Variants in AK7 observed in about 807,000 individuals in gnomAD.
AK7 encodes the protein adenylate kinase 7.
In AK7, 78 loss-of-function variants were observed where a neutral mutation model predicts 96.6. That is an observed-to-expected ratio of 0.81 (90% CI 0.67 to 0.97). AK7 has a LOEUF of 0.97. Ranked by LOEUF, AK7 falls within the 50% of genes least tolerant of loss-of-function variation. The probability of loss-of-function intolerance (pLI) is 0.00; values close to 1 mark genes in which losing one functional copy is unlikely to be tolerated. For missense variants in AK7, 855 were observed against 887.9 expected, an observed-to-expected ratio of 0.96 and a Z score of 0.47; for synonymous variants, 302 against 317.2, an observed-to-expected ratio of 0.95 and a Z score of 0.51.
intron 15 of AK7, among the ~76,000 whole-genome samples, chr14:96,481,554 C>G (rs747982615): frequency 4.6e-5 from 7 of 151,944 alleles, no homozygotes; most frequent in Non-Finnish European, 8.8e-5. Context: ...CCACGTTGGC[C>G]AGGCTGGTCT....
At chr14:96,451,270 T>C (rs1261638994) in intron 9 of AK7, 151 bp from the exon 10 acceptor site, 9 of 575,680 alleles carry the variant, frequency 1.6e-5, no homozygotes, top group Non-Finnish European at 2.4e-5. Flanking sequence ...ATCACACAGA[T>C]ACTCTGTAAA....
At chr14:96,437,018 A>C (rs962706913) in intron 5 of AK7, among the ~76,000 whole-genome samples, 1 of 131,908 alleles carries the variant, frequency 7.6e-6, no homozygotes, top group Non-Finnish European at 1.5e-5. Context: ...TGGTATTTTG[A>C]GCTTATCTGG....
At chr14:96,398,610 G>A (rs570470745) in intron 2 of AK7, 13 of 280,440 alleles carry the variant, frequency 4.6e-5, no homozygotes, top group African/African-American at 2.0e-4. Context: ...GGCCAGGCGC[G>A]GTGGCTTACG....
chr14:96,463,344 C>G (rs576021623), intron 12 of AK7, among the ~76,000 whole-genome samples: 1 of 152,098 alleles, frequency 6.6e-6, no homozygotes, highest in Non-Finnish European at 1.5e-5. Flanking sequence ...CATGGCTTGA[C>G]CACTTGCTTA....
chr14:96,398,471 A>G lies in AK7; in HGVS notation c.294+208A>G, dbSNP rs554503753. On this transcript the variant is annotated intron_variant, in intron 2 of 17. Coordinates refer to ENST00000267584, the MANE Select transcript of AK7 (RefSeq NM_152327.5). ...GGCCAAAGCAAAGAGTTTAAATTAGATAGTGTTGGAAAGGATGGATCTAAG... is the reference window on the plus strand; with the variant it reads ...GGCCAAAGCAAAGAGTTTAAATTAGGTAGTGTTGGAAAGGATGGATCTAAG... 3.2e-5 allele frequency: 19 copies of G among 593,042 alleles called. No homozygotes were observed. The East Asian group carries it at 5.5e-4, about 17-fold the overall frequency. The allele number at this position is 593,042 out of a possible 1,614,324, so 36.7% of individuals were successfully genotyped here.
intron 6 of AK7, among the ~76,000 whole-genome samples, chr14:96,439,360 A>G (rs1892825231): frequency 1.3e-5 from 2 of 152,066 alleles, no homozygotes; most frequent in South Asian, 4.2e-4. Flanking sequence ...GAAATAAGAG[A>G]AAAGTAAATA....
At chr14:96,470,543 C>T (rs1894826329) in intron 12 of AK7, among the ~76,000 whole-genome samples, 1 of 152,088 alleles carries the variant, frequency 6.6e-6, no homozygotes, top group Admixed American at 6.6e-5. Context: ...CAAACTCCTC[C>T]CTCCTCATCC....
chr14:96,458,287 CTG>C (rs1894050841), intron 12 of AK7, 75 bp downstream of exon 12: 2 of 1,539,238 alleles, frequency 1.3e-6, no homozygotes, highest in Non-Finnish European at 8.8e-7. Flanking sequence ...TTATAAAAGA[CTG>C]TTTAAAAAAA....
intron 5 of AK7, among the ~76,000 whole-genome samples, chr14:96,429,374 A>G (rs540477332): frequency 7.9e-5 from 12 of 152,260 alleles, no homozygotes; most frequent in East Asian, 7.7e-4. Flanking sequence ...GCCTCATAGT[A>G]TAGTTTGAAG....
intron 2 of AK7, 140 bp downstream of exon 2, chr14:96,398,403 C>T: frequency 1.2e-6 from 1 of 847,802 alleles, no homozygotes; most frequent in Non-Finnish European, 1.8e-6. Flanking sequence ...ATGGCTTTCT[C>T]CTGTAATGGA....
chr14:96,431,974 G>T (rs1182171913), intron 5 of AK7, among the ~76,000 whole-genome samples: 1 of 152,128 alleles, frequency 6.6e-6, no homozygotes, highest in African/African-American at 2.4e-5. Flanking sequence ...AGGATAGTTA[G>T]CTCTTCTTGT....
At chr14:96,405,690 G>A (rs1445493681) in intron 3 of AK7, among the ~76,000 whole-genome samples, 3 of 152,174 alleles carry the variant, frequency 2.0e-5, no homozygotes, top group Non-Finnish European at 2.9e-5. Flanking sequence ...TAAGAGCCAC[G>A]TGACTTTAAG....
intron 9 of AK7, among the ~76,000 whole-genome samples, chr14:96,451,039 GC>G (rs33984352): frequency 0.076 from 11,515 of 152,106 alleles, 1,480 homozygotes; most frequent in African/African-American, 0.26. Context: ...CTCCCAAAGT[GC>G]TGGGATTACA....
intron 14 of AK7, among the ~76,000 whole-genome samples, chr14:96,477,186 T>C (rs1383045713): frequency 1.3e-5 from 2 of 152,230 alleles, no homozygotes; most frequent in Non-Finnish European, 2.9e-5. Flanking sequence ...CAAACTATTA[T>C]GAATTTATAG....
intron 8 of AK7, 37 bp from the exon 9 acceptor site, chr14:96,449,764 CA>C (rs764696744): frequency 2.0e-6 from 3 of 1,504,858 alleles, no homozygotes; most frequent in Non-Finnish European, 2.8e-6. Flanking sequence ...TAAAACCTTC[CA>C]GGTAAACCAA....
At chr14:96,458,292 T>A (rs990462704) in intron 12 of AK7, 80 bp downstream of exon 12, 11 of 1,384,716 alleles carry the variant, frequency 7.9e-6, no homozygotes, top group East Asian at 2.6e-5. Flanking sequence ...AAAGACTGTT[T>A]AAAAAAAAAA....
intron 8 of AK7, 43 bp from the exon 9 acceptor site, chr14:96,449,759 C>T (rs1893474933): frequency 6.8e-7 from 1 of 1,477,356 alleles, no homozygotes; most frequent in Non-Finnish European, 9.4e-7. Context: ...TAAAGTAAAA[C>T]CTTCCAGGTA....
intron 5 of AK7, among the ~76,000 whole-genome samples, chr14:96,425,360 G>A (rs1410439549): frequency 6.6e-6 from 1 of 152,012 alleles, no homozygotes; most frequent in Non-Finnish European, 1.5e-5. Flanking sequence ...TACACAAAAG[G>A]TAGACTTCTA....
At chr14:96,461,951 C>A (rs964325622) in intron 12 of AK7, among the ~76,000 whole-genome samples, 16 of 152,290 alleles carry the variant, frequency 1.1e-4, no homozygotes, top group African/African-American at 3.6e-4. Flanking sequence ...TTATCCAAGG[C>A]TTAACCTAAC....
Sources: allele counts gnomAD v4.1 joint callset (sites outside exome capture counted in the v4.1 genomes callset), GRCh38; gene constraint gnomAD v4.1.1; transcripts MANE v1.5; gene names NCBI Gene and HGNC (gene_info 2026-07-23, HGNC 2026-07-21).